CLASP1: variants seen among roughly 807,000 people sequenced by gnomAD.
CLASP1 encodes CLIP-associating protein 1.
A neutral mutation model predicts 192.3 loss-of-function variants in CLASP1; 38 were observed. The observed-to-expected ratio is 0.20, with a 90% CI of 0.15 to 0.26. CLASP1 has a LOEUF of 0.26. Among genes scored for constraint, CLASP1 ranks in the 10% least tolerant of loss-of-function variants. The pLI is 1.00. For missense variants in CLASP1, 1,433 were observed against 1,932.5 expected, an observed-to-expected ratio of 0.74 and a Z score of 4.85; for synonymous variants, 691 against 712.8, an observed-to-expected ratio of 0.97 and a Z score of 0.49.
chr2:121,348,531 A>T, exon 38 of CLASP1: 1 of 1,611,186 alleles, frequency 6.2e-7, no homozygotes, highest in Non-Finnish European at 8.5e-7. Flanking sequence ...GCCTGGGATG[A>T]TGTCGACAAG....
At chr2:121,500,461 GGGAA>G (rs1377713389) in intron 8 of CLASP1, among the ~76,000 whole-genome samples, 27 of 145,012 alleles carry the variant, frequency 1.9e-4, no homozygotes, top group African/African-American at 6.6e-4. Context: ...GAGGGAAGGA[GGGAA>G]GGAAGGAAGA....
At chr2:121,635,858 G>A (rs534226817) in intron 1 of CLASP1, among the ~76,000 whole-genome samples, 1 of 152,326 alleles carries the variant, frequency 6.6e-6, no homozygotes, top group East Asian at 1.9e-4. Flanking sequence ...TCTAAAATGA[G>A]TATATTTCTC....
intron 2 of CLASP1, among the ~76,000 whole-genome samples, chr2:121,546,563 G>A (rs563738234): frequency 6.6e-6 from 1 of 151,884 alleles, no homozygotes; most frequent in Non-Finnish European, 1.5e-5. Flanking sequence ...AGTGAATATG[G>A]GACCCCGGGA....
chr2:121,609,082 G>C (rs1468511985), intron 1 of CLASP1, among the ~76,000 whole-genome samples: 1 of 152,156 alleles, frequency 6.6e-6, no homozygotes, highest in African/African-American at 2.4e-5. Context: ...TCCCCACCTT[G>C]AAAACATTAT....
chr2:121,581,194 A>T (rs1332078990), intron 2 of CLASP1, among the ~76,000 whole-genome samples: 1 of 151,776 alleles, frequency 6.6e-6, no homozygotes, highest in African/African-American at 2.4e-5. Flanking sequence ...TGCAGAGCAA[A>T]GGATCCCAGG....
At position 121,365,109 on chromosome 2, in the gene CLASP1, G is replaced by C. The variant is rs147412300; in HGVS notation, c.4062C>G (p.Thr1354=). Reference sequence around the variant, plus strand: ...AGCATCTCACGTCTTTGTCTCCAAGGGTCTCCAGCAGCAGGAGCAGAATGG... The same window carrying C: ...AGCATCTCACGTCTTTGTCTCCAAGCGTCTCCAGCAGCAGGAGCAGAATGG... Residue 1354 remains threonine, a synonymous_variant, in exon 36 of 40, where the codon ACC becomes ACG. Coordinates refer to ENST00000263710, the Ensembl canonical transcript of CLASP1. The C allele has an allele frequency of 3.8e-4, 607 of 1,613,934 alleles. 2 individuals are homozygous for C. In the African/African-American group the frequency reaches 7.3e-3, roughly 19 times the overall value.
intron 8 of CLASP1, among the ~76,000 whole-genome samples, chr2:121,494,287 G>A (rs561683015): frequency 1.3e-5 from 2 of 152,320 alleles, no homozygotes; most frequent in African/African-American, 2.4e-5. Flanking sequence ...ATGAGATCCT[G>A]TCATTTGCAA....
intron 13 of CLASP1, 66 bp downstream of exon 13, chr2:121,458,774 C>G: frequency 8.0e-7 from 1 of 1,257,716 alleles, no homozygotes. Context: ...AAAAATGCCT[C>G]TAATATTTAT....
At chr2:121,497,739 A>G (rs1012352275) in intron 8 of CLASP1, among the ~76,000 whole-genome samples, 1 of 152,096 alleles carries the variant, frequency 6.6e-6, no homozygotes, top group Non-Finnish European at 1.5e-5. Context: ...TTCTTTTTTT[A>G]GATGGAGTCT....
At chr2:121,438,012 T>G (rs2082595386) in intron 19 of CLASP1, among the ~76,000 whole-genome samples, 1 of 152,264 alleles carries the variant, frequency 6.6e-6, no homozygotes, top group Admixed American at 6.5e-5. Context: ...TATTTTACAT[T>G]TTGTAACAGA....
intron 5 of CLASP1, among the ~76,000 whole-genome samples, chr2:121,526,894 C>T (rs889546572): frequency 9.9e-5 from 15 of 152,066 alleles, no homozygotes; most frequent in African/African-American, 3.6e-4. Context: ...AAATGTTCAC[C>T]ATCAACAGCC....
chr2:121,599,916 CAAA>C (rs749861641), intron 2 of CLASP1, among the ~76,000 whole-genome samples: 10 of 78,450 alleles, frequency 1.3e-4, no homozygotes, highest in Admixed American at 4.1e-4. Context: ...GAGACTCTGT[CAAA>C]AAAAAAAAAA....
chr2:121,415,500 G>T (rs1333310283), intron 23 of CLASP1, among the ~76,000 whole-genome samples: 1 of 152,014 alleles, frequency 6.6e-6, no homozygotes, highest in African/African-American at 2.4e-5. Flanking sequence ...TCAACCTGAG[G>T]GAAATACATG....
intron 7 of CLASP1, among the ~76,000 whole-genome samples, chr2:121,509,804 C>T (rs766965340): frequency 1.3e-5 from 2 of 152,096 alleles, no homozygotes; most frequent in Non-Finnish European, 2.9e-5. Flanking sequence ...TACTACTGCA[C>T]TCCAGCCTGG....
chr2:121,631,565 C>A (rs1214980990), intron 1 of CLASP1, among the ~76,000 whole-genome samples: 1 of 151,592 alleles, frequency 6.6e-6, no homozygotes, highest in African/African-American at 2.4e-5. Context: ...GGATTACAGG[C>A]GTAAGCCACC....
At chr2:121,617,994 G>A (rs868544163) in intron 1 of CLASP1, among the ~76,000 whole-genome samples, 4 of 152,044 alleles carry the variant, frequency 2.6e-5, no homozygotes, top group South Asian at 2.1e-4. Flanking sequence ...ATATTGGCCC[G>A]GCTATTCTTT....
intron 11 of CLASP1, among the ~76,000 whole-genome samples, chr2:121,460,640 A>C (rs1318638452): frequency 6.6e-6 from 1 of 152,160 alleles, no homozygotes; most frequent in African/African-American, 2.4e-5. Context: ...CCAGTAGAAA[A>C]TAGCCTTCTC....
chr2:121,527,987 A>G (rs2094620022), intron 4 of CLASP1, 97 bp from the exon 5 acceptor site: 1 of 822,268 alleles, frequency 1.2e-6, no homozygotes, highest in Non-Finnish European at 2.0e-6. Context: ...ACGAGCGCCA[A>G]ATTAGTCCCA....
chr2:121,340,791 G>C (rs1052817799), exon 40 of CLASP1: 12 of 1,162,942 alleles, frequency 1.0e-5, no homozygotes, highest in African/African-American at 4.6e-5. Context: ...GCCGATGAAG[G>C]GGGTGGGGAA....
Sources: gnomAD v4.1 joint callset for allele counts (sites outside exome capture counted in the v4.1 genomes callset) on GRCh38, gnomAD v4.1.1 for gene constraint, MANE v1.5 for transcripts, NCBI Gene and HGNC (gene_info 2026-07-23, HGNC 2026-07-21) for gene names.